RNF144A: variants seen among roughly 807,000 people sequenced by gnomAD.
RNF144A encodes E3 ubiquitin-protein ligase RNF144A.
Under a neutral mutation model 38.7 loss-of-function variants are expected in RNF144A, and 11 were observed. The observed-to-expected ratio is 0.28, with a 90% CI of 0.18 to 0.47. The LOEUF (loss-of-function observed/expected upper bound fraction) is 0.47, where lower values mean the gene tolerates loss of function less well. RNF144A is among the 20% of genes least tolerant of loss of function. The probability of loss-of-function intolerance (pLI) is 0.99; values close to 1 mark genes in which losing one functional copy is unlikely to be tolerated. For synonymous variants in RNF144A, 149 were observed against 143.9 expected (o/e 1.04, Z -0.25); for missense variants, 316 against 377.2 (o/e 0.84, Z 1.34).
intron 2 of RNF144A, among the ~76,000 whole-genome samples, chr2:6,964,201 CA>C (rs1201142282): frequency 6.6e-6 from 1 of 152,000 alleles, no homozygotes; most frequent in African/African-American, 2.4e-5. Flanking sequence ...TTTATGCAGC[CA>C]AAAAACACAT....
rs560521529 is a variant in RNF144A, at chr2:6,966,962, C to T, written c.-12+25815C>T. Among the ~76,000 whole-genome samples, 36 of 152,256 alleles carry T rather than the reference C, an allele frequency of 2.4e-4. 1 individual carries two copies. Among genetic ancestry groups the T allele is most frequent in the East Asian group, 1.2e-3 (6 of 5,174 alleles). On this transcript the variant is annotated intron_variant, in intron 2 of 8. Transcript: ENST00000320892. ...TCTCCCCTGTACAGACTTCTTTTCCCGACTGACCTTCCTCTCTTGGCTTTA... is the reference window on the plus strand; with the variant it reads ...TCTCCCCTGTACAGACTTCTTTTCCTGACTGACCTTCCTCTCTTGGCTTTA...
chr2:6,937,550 A>G lies in RNF144A; in HGVS notation c.-211-3398A>G, dbSNP rs532447685. ...TGTTTACAGGCTCTTCTTACCTGGGAAAAATGGCAGAAGCTGTAGTAAAAG... is the reference window on the plus strand; with the variant it reads ...TGTTTACAGGCTCTTCTTACCTGGGGAAAATGGCAGAAGCTGTAGTAAAAG... On this transcript the variant is annotated intron_variant, in intron 1 of 8. Coordinates refer to ENST00000320892, the MANE Select transcript of RNF144A (RefSeq NM_014746.6). 7.9e-5 allele frequency among the ~76,000 whole-genome samples: 12 copies of G among 152,250 alleles called. No individual in the cohort carries two copies. The East Asian group carries it at 2.3e-3, about 29-fold the overall frequency.
At chr2:6,969,293 A>G (rs556008131) in intron 2 of RNF144A, among the ~76,000 whole-genome samples, 1 of 152,302 alleles carries the variant, frequency 6.6e-6, no homozygotes, top group South Asian at 2.1e-4. Flanking sequence ...ATCAAGTTTA[A>G]ATTAGGTCAT....
chr2:6,966,123 G>T (rs1667653845), intron 2 of RNF144A, among the ~76,000 whole-genome samples: 1 of 152,202 alleles, frequency 6.6e-6, no homozygotes. Context: ...GTGTGAGTAT[G>T]ATTATGACAA....
intron 3 of RNF144A, among the ~76,000 whole-genome samples, chr2:7,008,771 G>A (rs1024780375): frequency 2.0e-5 from 3 of 152,298 alleles, no homozygotes; most frequent in East Asian, 3.9e-4. Context: ...TCCTGCTGTC[G>A]TGCCTTGCTC....
At chr2:6,989,251 G>A (rs1669180604) in intron 2 of RNF144A, among the ~76,000 whole-genome samples, 1 of 152,148 alleles carries the variant, frequency 6.6e-6, no homozygotes, top group African/African-American at 2.4e-5. Context: ...GCTAAACATG[G>A]GTTCCTACTG....
At chr2:6,918,137 G>A (rs1011735880) in intron 1 of RNF144A, 2 of 152,280 alleles carry the variant, frequency 1.3e-5, no homozygotes, top group Admixed American at 6.5e-5. Context: ...CCACCGGCGG[G>A]GAAGGTCGGA....
intron 6 of RNF144A, among the ~76,000 whole-genome samples, chr2:7,062,492 G>C (rs1241539942): frequency 1.6e-5 from 2 of 122,264 alleles, no homozygotes; most frequent in Admixed American, 1.7e-4. Context: ...AATAGTGCTG[G>C]GTGCTAAAAA....
chr2:6,983,609 A>G (rs1318557984), intron 2 of RNF144A, among the ~76,000 whole-genome samples: 1 of 151,554 alleles, frequency 6.6e-6, no homozygotes, highest in Non-Finnish European at 1.5e-5. Flanking sequence ...TTTGGTCCTG[A>G]CCTCTCACCC....
chr2:7,007,670 GC>G (rs1402401878), intron 3 of RNF144A, among the ~76,000 whole-genome samples: 2 of 152,128 alleles, frequency 1.3e-5, no homozygotes, highest in African/African-American at 4.8e-5. Flanking sequence ...CCGAGTCCCT[GC>G]CTGTTCCTGC....
At chr2:7,067,588 G>T (rs1335170802) in intron 6 of RNF144A, among the ~76,000 whole-genome samples, 1 of 152,084 alleles carries the variant, frequency 6.6e-6, no homozygotes, top group Non-Finnish European at 1.5e-5. Context: ...CAGTATGTTG[G>T]AACTATCAAG....
chr2:7,067,886 C>G (rs1572504705), intron 6 of RNF144A, among the ~76,000 whole-genome samples: 1 of 152,144 alleles, frequency 6.6e-6, no homozygotes, highest in African/African-American at 2.4e-5. Context: ...AATATATGAC[C>G]AAGTTTCTCA....
Position 6,941,533 on chromosome 2 carries a change from G to A in RNF144A, c.-12+386G>A, listed in dbSNP as rs1367625085. 1.3e-5 allele frequency among the ~76,000 whole-genome samples: 2 copies of A among 152,330 alleles called. No individual in the cohort carries two copies. Among genetic ancestry groups the A allele is most frequent in the Admixed American group, 6.5e-5 (1 of 15,306 alleles). The stretch of plus-strand genomic sequence containing the variant: ...AGGCAGCACCAGTGCCTGCTCTCAC[G>A]AAGATTCTGTGTTTGTGAGGAATAC... On this transcript the variant is annotated intron_variant, in intron 2 of 8. Coordinates refer to ENST00000320892, the MANE Select transcript of RNF144A (RefSeq NM_014746.6). This position sits in a 1 kb window ranked among gnomAD's most constrained non-coding sequence, Gnocchi z 6.5.
At position 7,052,745 on chromosome 2, in the gene RNF144A, G is replaced by A. The variant is rs188914946; in HGVS notation, c.735-15471G>A. Among the ~76,000 whole-genome samples the A allele has an allele frequency of 3.3e-5, 5 of 152,096 alleles. No homozygotes were observed. In the East Asian group the frequency reaches 5.8e-4, roughly 18 times the overall value. ...TTCTGTTGTAACATGGGGTGGGGGG[G>A]AATCACTCGTTTACCGAGGACCTTC... On this transcript the variant is annotated intron_variant, in intron 6 of 6. Coordinates refer to the RNF144A transcript ENST00000432850.
At chr2:7,063,702 A>G (rs986659902) in intron 6 of RNF144A, among the ~76,000 whole-genome samples, 2 of 152,140 alleles carry the variant, frequency 1.3e-5, no homozygotes, top group African/African-American at 4.8e-5. Flanking sequence ...AGTGGAGGGA[A>G]AAAATGGGAG....
At chr2:6,925,156 A>G (rs941608712) in intron 1 of RNF144A, among the ~76,000 whole-genome samples, 2 of 152,230 alleles carry the variant, frequency 1.3e-5, no homozygotes, top group African/African-American at 4.8e-5. Flanking sequence ...TCTCTTGACT[A>G]AAACACTTGC....
At chr2:7,034,818 G>A (rs34719558) in intron 8 of RNF144A, among the ~76,000 whole-genome samples, 19,484 of 152,178 alleles carry the variant, frequency 0.13, 1,997 homozygotes, top group East Asian at 0.55. Flanking sequence ...CAGTGTGAGC[G>A]GAGGCACAGA....
At position 6,958,187 on chromosome 2, in the gene RNF144A, G is replaced by T. The variant is rs1003233357; in HGVS notation, c.-12+17040G>T. Among the ~76,000 whole-genome samples, 1 of 152,234 alleles carries T rather than the reference G, an allele frequency of 6.6e-6. No individual in the cohort carries two copies. Among genetic ancestry groups the T allele is most frequent in the Non-Finnish European group, 1.5e-5 (1 of 68,044 alleles). ...TGTCTCTTCCTGGAAGGTGGAACTT[G>T]ATCACCACTCTGCCTGGCCTCAGCA... is the stretch of plus-strand genomic sequence containing the variant. On this transcript the variant is annotated intron_variant, in intron 2 of 8. Coordinates refer to ENST00000320892, the MANE Select transcript of RNF144A (RefSeq NM_014746.6). The surrounding 1 kb of genome is among the most constrained non-coding windows in gnomAD (Gnocchi z 4.5).
chr2:7,034,510 A>T (rs925871660), intron 8 of RNF144A, among the ~76,000 whole-genome samples: 1 of 152,112 alleles, frequency 6.6e-6, no homozygotes, highest in Non-Finnish European at 1.5e-5. Context: ...GGCTTCCGGC[A>T]TCTCCCCTGC....
Sources: allele counts gnomAD v4.1 joint callset (sites outside exome capture counted in the v4.1 genomes callset), GRCh38; gene constraint gnomAD v4.1.1; non-coding constraint Gnocchi (gnomAD v3.1); transcripts MANE v1.5; gene names NCBI Gene and HGNC (gene_info 2026-07-23, HGNC 2026-07-21).